EML5: variants seen among roughly 807,000 people sequenced by gnomAD.
EML5 encodes the protein EMAP like 5.
A neutral mutation model predicts 250.0 loss-of-function variants in EML5; 120 were observed. The observed-to-expected ratio is 0.48, with a 90% CI of 0.41 to 0.56. The LOEUF (loss-of-function observed/expected upper bound fraction) is 0.56, where lower values mean the gene tolerates loss of function less well. EML5 is among the 20% of genes least tolerant of loss of function. EML5 has a pLI of 0.00. For missense variants in EML5, 2,006 were observed against 2,437.6 expected (o/e 0.82, Z 3.73); for synonymous variants, 771 against 806.5 (o/e 0.96, Z 0.75).
In EML5 at chr14:88,747,305, G is replaced by A. The variant is rs148069017; in HGVS notation, c.358-1022C>T. 4.8e-3 allele frequency among the ~76,000 whole-genome samples: 726 copies of A among 152,052 alleles called. 11 individuals carry two copies. The highest frequency in any genetic ancestry group is 0.016 in the African/African-American group (680 of 41,494). ...CTCACGCCTGTAATTCCATCTACTC[G>A]GGAGGCTGAGGCAGGGGAATCACTT... On this transcript the variant is annotated intron_variant, in intron 2 of 43. Transcript: ENST00000554922.
chr14:88,713,154 G>A (rs933615172), intron 9 of EML5, among the ~76,000 whole-genome samples: 10 of 152,146 alleles, frequency 6.6e-5, no homozygotes, highest in African/African-American at 2.4e-4. Flanking sequence ...CACTTTGGGA[G>A]GCCGAGACAG....
intron 4 of EML5, among the ~76,000 whole-genome samples, chr14:88,743,781 C>T (rs1236097400): frequency 6.6e-6 from 1 of 152,032 alleles, no homozygotes; most frequent in Non-Finnish European, 1.5e-5. Context: ...CCTCACTAGA[C>T]TACAGATTTC....
Position 88,614,123 on chromosome 14 carries a change from C to T in EML5, c.*1695G>A, listed in dbSNP as rs1007800458. On this transcript the variant is annotated 3_prime_UTR_variant, in exon 44 of 44. Transcript: ENST00000554922. ...TTCTCTGTAGCCAAAAGCTGGCAAA[C>T]TTGACCCAGAGGGAAAATTTAAAAC... The T allele has an allele frequency of 2.0e-5, 3 of 152,184 alleles. No homozygotes were observed. Among genetic ancestry groups the T allele is most frequent in the African/African-American group, 7.2e-5 (3 of 41,452 alleles). 9.4% of individuals were successfully genotyped at this position (152,184 alleles called of 1,614,324 possible).
In EML5 at chr14:88,621,278, C is replaced by G. The variant is rs563201174; in HGVS notation, c.5037G>C (p.Arg1679Ser). 75 of 1,613,908 alleles carry G rather than the reference C, an allele frequency of 4.6e-5. 1 individual carries two copies. In the South Asian group the frequency reaches 7.5e-4, roughly 16 times the overall value. Residue 1679 changes from arginine (R) to serine (S), a missense_variant, in exon 38 of 44, where the codon AGG (arginine) becomes AGC (serine). By Grantham distance (110) the Arg-to-Ser change is moderately radical. Around this residue, in one of 7 missense-constraint regions of EML5, gnomAD observed 405 missense variants for 523.3 expected, o/e 0.77. Transcript: ENST00000554922. ...RGKGKILVGT[R>S]NAEIIEVGEK... ...CTCCAACTTCGATTATTTCAGCATT[C>G]CTTGTCCCAACAAGGATCTTGCCCT... is the stretch of plus-strand genomic sequence containing the variant.
intron 1 of EML5, among the ~76,000 whole-genome samples, chr14:88,786,128 C>T (rs1348761168): frequency 6.6e-6 from 1 of 152,170 alleles, no homozygotes; most frequent in Non-Finnish European, 1.5e-5. Context: ...ATGTCCTTTC[C>T]ACACAGCACA....
At chr14:88,719,021 T>C (rs2093548368) in intron 8 of EML5, among the ~76,000 whole-genome samples, 1 of 152,184 alleles carries the variant, frequency 6.6e-6, no homozygotes, top group African/African-American at 2.4e-5. Context: ...TCACGATCCC[T>C]TTTAAAGTTG....
chr14:88,706,152 A>G, intron 11 of EML5, 107 bp downstream of exon 11: 1 of 1,051,764 alleles, frequency 9.5e-7, no homozygotes. Context: ...AACAAACTAC[A>G]CTGTTAACTT....
intron 17 of EML5, among the ~76,000 whole-genome samples, chr14:88,691,925 G>T (rs1487843492): frequency 6.6e-6 from 1 of 152,292 alleles, no homozygotes; most frequent in East Asian, 1.9e-4. Flanking sequence ...TCATTTGGAA[G>T]TATTTTCACT....
At chr14:88,720,862 T>C (rs999189396) in intron 8 of EML5, among the ~76,000 whole-genome samples, 2 of 152,198 alleles carry the variant, frequency 1.3e-5, no homozygotes, top group African/African-American at 4.8e-5. Flanking sequence ...GACATGATCC[T>C]ATATCTAGAA....
chr14:88,650,188 C>T (rs2091551996), intron 27 of EML5, among the ~76,000 whole-genome samples: 1 of 152,182 alleles, frequency 6.6e-6, no homozygotes, highest in Non-Finnish European at 1.5e-5. Context: ...CAAGGTGGCT[C>T]ATGCCTGTAA....
intron 24 of EML5, among the ~76,000 whole-genome samples, chr14:88,662,256 A>C (rs2092127607): frequency 6.7e-6 from 1 of 149,526 alleles, no homozygotes; most frequent in Admixed American, 6.7e-5. Context: ...TAAATTTGTT[A>C]AGCCTCTCTT....
At position 88,625,145 on chromosome 14, in the gene EML5, AG is replaced by A. The variant is rs771100704; in HGVS notation, c.4741-19del. On this transcript the variant is annotated intron_variant, in intron 35 of 43. Transcript: ENST00000554922. Reference sequence around the variant, plus strand: ...AAGTTATTCTGAAAAGGAGTGGGGGAGGGGGAGACAAACTCATCAAAAGTTC... The same window carrying A: ...AAGTTATTCTGAAAAGGAGTGGGGGAGGGGAGACAAACTCATCAAAAGTTC... The A allele has an allele frequency of 1.9e-6, 3 of 1,611,990 alleles. No homozygotes were observed. In the African/African-American group the frequency reaches 4.0e-5, roughly 22 times the overall value.
intron 31 of EML5, among the ~76,000 whole-genome samples, chr14:88,641,573 A>C (rs984636158): frequency 6.6e-6 from 1 of 152,200 alleles, no homozygotes; most frequent in Non-Finnish European, 1.5e-5. Context: ...AACAAAAACC[A>C]TATGATTATC....
At chr14:88,768,748 C>T (rs2224333) in intron 1 of EML5, among the ~76,000 whole-genome samples, 36,966 of 152,096 alleles carry the variant, frequency 0.24, 4,651 homozygotes, top group East Asian at 0.38. Flanking sequence ...TTTTCTTCAA[C>T]ATTTATTAAT....
chr14:88,706,557 C>A (rs879815992), intron 10 of EML5, 131 bp from the exon 11 acceptor site: 4 of 668,654 alleles, frequency 6.0e-6, no homozygotes, highest in Non-Finnish European at 9.0e-6. Flanking sequence ...AATGCTGACT[C>A]AAAAATTGAA....
chr14:88,770,131 C>T (rs1307057696), intron 1 of EML5, among the ~76,000 whole-genome samples: 2 of 152,070 alleles, frequency 1.3e-5, no homozygotes, highest in Non-Finnish European at 2.9e-5. Flanking sequence ...TTTTTACTTA[C>T]AGTCATTTTG....
At chr14:88,750,927 C>T (rs1337962446) in intron 2 of EML5, among the ~76,000 whole-genome samples, 1 of 152,152 alleles carries the variant, frequency 6.6e-6, no homozygotes, top group East Asian at 1.9e-4. Context: ...GAGGAATAGC[C>T]AGAGGGGCAC....
intron 19 of EML5, among the ~76,000 whole-genome samples, chr14:88,686,522 C>CAA (rs898831770): frequency 1.4e-5 from 2 of 142,002 alleles, no homozygotes; most frequent in Admixed American, 7.0e-5. Context: ...TCCTCCTCTT[C>CAA]AAAAAAAAAA....
chr14:88,738,469 A>T (rs4451888), intron 6 of EML5, among the ~76,000 whole-genome samples: 3,398 of 151,962 alleles, frequency 0.022, 321 homozygotes, highest in Admixed American at 0.18. Flanking sequence ...GGAAAAATAC[A>T]CCTATCCACA....
Sources: allele counts gnomAD v4.1 joint callset (sites outside exome capture counted in the v4.1 genomes callset), GRCh38; gene constraint gnomAD v4.1.1; regional missense constraint gnomAD v4.1.1; transcripts MANE v1.5; gene names NCBI Gene and HGNC (gene_info 2026-07-23, HGNC 2026-07-21).